The following CCSER1 variants were observed in gnomAD, a reference collection of about 807,000 sequenced individuals.
CCSER1 encodes serine-rich coiled-coil domain-containing protein 1.
CCSER1 carries 41 observed loss-of-function variants against 82.0 expected under a neutral mutation model. The ratio of observed to expected loss-of-function variants is 0.50; its 90% CI spans 0.39 to 0.65. The LOEUF (loss-of-function observed/expected upper bound fraction) is 0.65. CCSER1 is among the 30% of genes least tolerant of loss of function. CCSER1 has a pLI of 0.00. For synonymous variants in CCSER1, 414 were observed against 383.9 expected, an observed-to-expected ratio of 1.08 and a Z score of -0.92; for missense variants, 1,119 against 1,064.2, an observed-to-expected ratio of 1.05 and a Z score of -0.72.
chr4:91,300,970 T>C (rs1744618556), intron 10 of CCSER1, among the ~76,000 whole-genome samples: 1 of 151,894 alleles, frequency 6.6e-6, no homozygotes, highest in South Asian at 2.1e-4. Context: ...ATACAGTTGC[T>C]ACTCACTTTA....
chr4:90,625,107 C>CTGT (rs1723023614), intron 5 of CCSER1, among the ~76,000 whole-genome samples: 1 of 152,020 alleles, frequency 6.6e-6, no homozygotes, highest in Non-Finnish European at 1.5e-5. Flanking sequence ...TTATATATCC[C>CTGT]CAAGTGAACG....
At chr4:91,017,081 T>G (rs1739494611) in intron 9 of CCSER1, 1 of 152,150 alleles carries the variant, frequency 6.6e-6, no homozygotes, top group Admixed American at 6.5e-5. Context: ...ACTGATAAGA[T>G]AATTGAGGGA....
intron 1 of CCSER1, among the ~76,000 whole-genome samples, chr4:90,167,933 A>G (rs1306694812): frequency 6.6e-6 from 1 of 152,106 alleles, no homozygotes; most frequent in Admixed American, 6.6e-5. Flanking sequence ...CACGATAAAC[A>G]TACGTGTGCA....
At chr4:90,588,761 A>G (rs2148675998) in intron 5 of CCSER1, among the ~76,000 whole-genome samples, 1 of 152,230 alleles carries the variant, frequency 6.6e-6, no homozygotes, top group African/African-American at 2.4e-5. Context: ...TGATGGTTTT[A>G]TAAGAGGTTT....
chr4:90,923,272 T>G (rs1728641278), intron 8 of CCSER1, 98 bp from the exon 9 acceptor site: 3 of 839,478 alleles, frequency 3.6e-6, no homozygotes, highest in Non-Finnish European at 5.9e-6. Context: ...GAGAAGAACA[T>G]GAATTATACA....
At chr4:90,727,339 A>G (rs377139615) in intron 7 of CCSER1, 1 of 454,752 alleles carries the variant, frequency 2.2e-6, no homozygotes. Flanking sequence ...CAGAATCATA[A>G]AAGTTCAAGA....
At chr4:90,485,700 C>A (rs1766926594) in intron 5 of CCSER1, among the ~76,000 whole-genome samples, 2 of 152,092 alleles carry the variant, frequency 1.3e-5, no homozygotes, top group South Asian at 4.1e-4. Context: ...CTTTCTTCCA[C>A]CCTCCAGTCT....
intron 10 of CCSER1, among the ~76,000 whole-genome samples, chr4:91,549,297 T>C (rs1762047111): frequency 6.6e-6 from 1 of 152,198 alleles, no homozygotes. Flanking sequence ...TCTTAGCATA[T>C]TAATCATAGT....
At chr4:90,156,639 A>G (rs371783954) in intron 1 of CCSER1, among the ~76,000 whole-genome samples, 7 of 151,904 alleles carry the variant, frequency 4.6e-5, no homozygotes, top group East Asian at 1.9e-4. Flanking sequence ...GGCCTTCTTT[A>G]TCTCTTTTGA....
chr4:90,864,757 C>G (rs1240590653), intron 8 of CCSER1, among the ~76,000 whole-genome samples: 1 of 151,934 alleles, frequency 6.6e-6, no homozygotes, highest in African/African-American at 2.4e-5. Context: ...ATTGATGTTC[C>G]CAGCAATCTA....
chr4:90,449,506 A>G (rs1761135989), intron 4 of CCSER1, among the ~76,000 whole-genome samples: 1 of 152,120 alleles, frequency 6.6e-6, no homozygotes. Flanking sequence ...GCCATTCATG[A>G]CGCTCATGGT....
Position 90,255,362 on chromosome 4 carries a change from A to G in CCSER1, c.-41-52882A>G, listed in dbSNP as rs536715401. ...GAATCTGCGCAATCATTAATCTTTG[A>G]TGATTGGAATGATTAATGATATCAA... On this transcript the variant is annotated intron_variant, in intron 1 of 10. Transcript: ENST00000509176. Among the ~76,000 whole-genome samples the G allele has an allele frequency of 5.3e-4, 80 of 152,204 alleles. 2 individuals are homozygous for G. In the South Asian group the frequency reaches 0.016, roughly 31 times the overall value.
chr4:90,823,908 TA>T (rs1279800527), intron 8 of CCSER1, among the ~76,000 whole-genome samples: 3 of 152,020 alleles, frequency 2.0e-5, no homozygotes, highest in African/African-American at 7.2e-5. Flanking sequence ...CTTTTTGACA[TA>T]TAGTTTACAC....
chr4:91,034,189 A>G (rs1741235189), intron 9 of CCSER1, among the ~76,000 whole-genome samples: 1 of 152,194 alleles, frequency 6.6e-6, no homozygotes, highest in Non-Finnish European at 1.5e-5. Context: ...TGGCAATAGC[A>G]GTGAATGATG....
At chr4:90,692,816 G>C (rs543309746) in intron 6 of CCSER1, among the ~76,000 whole-genome samples, 175 of 151,956 alleles carry the variant, frequency 1.2e-3, no homozygotes, top group African/African-American at 4.0e-3. Flanking sequence ...TTAAATAAAA[G>C]AGTATCAAAT....
chr4:91,107,132 CAT>C (rs1189095498), intron 10 of CCSER1, among the ~76,000 whole-genome samples: 1 of 152,164 alleles, frequency 6.6e-6, no homozygotes, highest in Non-Finnish European at 1.5e-5. Context: ...ACATGCTGTA[CAT>C]GTTTGTAGCC....
chr4:90,188,432 G>C (rs1735019287), intron 1 of CCSER1, among the ~76,000 whole-genome samples: 1 of 151,744 alleles, frequency 6.6e-6, no homozygotes, highest in Non-Finnish European at 1.5e-5. Flanking sequence ...TTTAAAAGTA[G>C]GGTTGAATTT....
At chr4:91,273,033 C>T (rs1344276194) in intron 10 of CCSER1, among the ~76,000 whole-genome samples, 1 of 152,050 alleles carries the variant, frequency 6.6e-6, no homozygotes, top group East Asian at 1.9e-4. Context: ...TAATGTGATG[C>T]CTCCAGATAT....
At chr4:90,386,431 C>A in intron 3 of CCSER1, among the ~76,000 whole-genome samples, 1 of 150,032 alleles carries the variant, frequency 6.7e-6, no homozygotes, top group East Asian at 2.1e-4. Context: ...GGTGCTGGGA[C>A]AATTGGAGAG....
Sources: gnomAD v4.1 joint callset for allele counts (sites outside exome capture counted in the v4.1 genomes callset) on GRCh38, gnomAD v4.1.1 for gene constraint, MANE v1.5 for transcripts, NCBI Gene and HGNC (gene_info 2026-07-23, HGNC 2026-07-21) for gene names.